Variants in CELF2 observed in about 807,000 individuals in gnomAD.
CELF2 encodes the protein CUGBP Elav-like family member 2, also known as CUG triplet repeat RNA-binding protein 2.
CELF2 carries 8 observed loss-of-function variants against 62.6 expected under a neutral mutation model. That is an observed-to-expected ratio of 0.13 (90% CI 0.07 to 0.23). The LOEUF (loss-of-function observed/expected upper bound fraction) is 0.23, where lower values mean the gene tolerates loss of function less well. Among genes scored for constraint, CELF2 ranks in the 10% least tolerant of loss-of-function variants. The probability of loss-of-function intolerance (pLI) is 1.00; values close to 1 mark genes in which losing one functional copy is unlikely to be tolerated. For synonymous variants in CELF2, 258 were observed against 250.0 expected (o/e 1.03, Z -0.30); for missense variants, 333 against 671.0 (o/e 0.50, Z 5.56).
upstream of CELF2, among the ~76,000 whole-genome samples, chr10:11,004,200 T>C (rs1025054804): frequency 2.6e-5 from 4 of 152,116 alleles, no homozygotes; most frequent in Non-Finnish European, 5.9e-5. This position sits in a 1 kb window ranked among gnomAD's most constrained non-coding sequence, Gnocchi z 5.0. Context: ...AGTAATGCTT[T>C]GAGTCCAGGT....
the CELF2 span, among the ~76,000 whole-genome samples, chr10:10,735,535 A>T: frequency 2.6e-5 from 4 of 152,350 alleles, no homozygotes; most frequent in Non-Finnish European, 5.9e-5. Flanking sequence ...TTAAAACAGG[A>T]CGTCGAGAAA....
the CELF2 span, among the ~76,000 whole-genome samples, chr10:10,671,648 C>T: frequency 6.6e-6 from 1 of 151,838 alleles, no homozygotes; most frequent in Non-Finnish European, 1.5e-5. Flanking sequence ...ACAGGTGTAT[C>T]TCCTTGTTGG....
chr10:10,581,365 G>C, the CELF2 span, among the ~76,000 whole-genome samples: 1 of 152,266 alleles, frequency 6.6e-6, no homozygotes, highest in African/African-American at 2.4e-5. Flanking sequence ...GATCCATTTT[G>C]CTTTCAAGAG....
At chr10:10,783,938 A>C in the CELF2 span, among the ~76,000 whole-genome samples, 1 of 152,192 alleles carries the variant, frequency 6.6e-6, no homozygotes, top group African/African-American at 2.4e-5. Context: ...CAGTGAGCCA[A>C]GATCGTGCCA....
At chr10:10,625,790 C>A in the CELF2 span, among the ~76,000 whole-genome samples, 1 of 152,238 alleles carries the variant, frequency 6.6e-6, no homozygotes, top group Non-Finnish European at 1.5e-5. Flanking sequence ...GTCCCGTGAT[C>A]TGAAGCCCCA....
At chr10:10,698,465 T>A in the CELF2 span, among the ~76,000 whole-genome samples, 1 of 152,244 alleles carries the variant, frequency 6.6e-6, no homozygotes, top group East Asian at 1.9e-4. Flanking sequence ...GTATTTGATA[T>A]ACATATGTAA....
Position 11,120,427 on chromosome 10 carries a change from A to G in CELF2, c.75-45059A>G, listed in dbSNP as rs575987528. Among the ~76,000 whole-genome samples, 7 of 152,266 alleles carry G rather than the reference A, an allele frequency of 4.6e-5. No homozygotes were observed. In the South Asian group the frequency reaches 1.5e-3, roughly 32 times the overall value. ...ACAGGTTTGCATTTCACCTGTTTCT[A>G]TGATTGTTGAATAACAGAAAATGAA... On this transcript the variant is annotated intron_variant, in intron 1 of 12. Transcript: ENST00000633077.
At chr10:11,218,900 C>G (rs1226821741) in intron 3 of CELF2, among the ~76,000 whole-genome samples, 1 of 152,112 alleles carries the variant, frequency 6.6e-6, no homozygotes, top group East Asian at 1.9e-4. Flanking sequence ...GTGGAATGAA[C>G]AAGCCAAGGC....
At chr10:10,774,223 C>T in the CELF2 span, among the ~76,000 whole-genome samples, 2 of 152,194 alleles carry the variant, frequency 1.3e-5, no homozygotes, top group African/African-American at 4.8e-5. Flanking sequence ...GATGGGGCCC[C>T]TGACTTCAAG....
chr10:11,095,029 A>C (rs893211733), intron 1 of CELF2, among the ~76,000 whole-genome samples: 1 of 152,116 alleles, frequency 6.6e-6, no homozygotes, highest in Non-Finnish European at 1.5e-5. Context: ...TTTGCTTTTG[A>C]TCTTGAAGGT....
At chr10:10,536,432 T>C in the CELF2 span, among the ~76,000 whole-genome samples, 1 of 152,364 alleles carries the variant, frequency 6.6e-6, no homozygotes, top group Non-Finnish European at 1.5e-5. Flanking sequence ...GCTTTTGGTC[T>C]ATTTTGAAAT....
chr10:11,324,288 T>G lies in CELF2; in HGVS notation c.1295-1548T>G, dbSNP rs2095611331. Reference sequence around the variant, plus strand: ...CTCTCATTTGTGCATTTGGATCTTTTGTGCAGTAGCAACATGAAAGCTGGT... The same window carrying G: ...CTCTCATTTGTGCATTTGGATCTTTGGTGCAGTAGCAACATGAAAGCTGGT... On this transcript the variant is annotated intron_variant, in intron 11 of 12. Transcript: ENST00000633077. The surrounding 1 kb of genome is among the most constrained non-coding windows in gnomAD (Gnocchi z 4.7). Among the ~76,000 whole-genome samples, 1 of 152,244 alleles carries G rather than the reference T, an allele frequency of 6.6e-6. No homozygotes were observed. Among genetic ancestry groups the G allele is most frequent in the Admixed American group, 6.5e-5 (1 of 15,288 alleles).
chr10:10,469,048 G>A, the CELF2 span, among the ~76,000 whole-genome samples: 2 of 151,762 alleles, frequency 1.3e-5, no homozygotes, highest in Non-Finnish European at 2.9e-5. Context: ...TTCATAATAT[G>A]CATTTTTCAT....
intron 1 of CELF2, chr10:10,919,875 C>T (rs2064722661): frequency 3.6e-6 from 3 of 839,674 alleles, no homozygotes; most frequent in Admixed American, 4.3e-5. Flanking sequence ...ATACCTGATA[C>T]CATAATACTT....
chr10:10,880,832 C>T (rs1017049062), intron 1 of CELF2, among the ~76,000 whole-genome samples: 4 of 152,080 alleles, frequency 2.6e-5, no homozygotes, highest in Admixed American at 6.6e-5. Context: ...GCCTGTTTCC[C>T]GAATTCTTTG....
the CELF2 span, among the ~76,000 whole-genome samples, chr10:10,523,512 T>G: frequency 6.6e-6 from 1 of 152,174 alleles, no homozygotes; most frequent in Non-Finnish European, 1.5e-5. Context: ...GGGGAGGTGG[T>G]GAAACCTTGT....
intron 2 of CELF2, among the ~76,000 whole-genome samples, chr10:11,175,880 C>T (rs1163460859): frequency 6.6e-6 from 1 of 152,106 alleles, no homozygotes; most frequent in African/African-American, 2.4e-5. Flanking sequence ...GATGAGCAAG[C>T]CATGTTCTTT....
the CELF2 span, among the ~76,000 whole-genome samples, chr10:10,633,434 C>G: frequency 6.6e-6 from 1 of 152,108 alleles, no homozygotes; most frequent in Non-Finnish European, 1.5e-5. Context: ...TGCCTGGTAT[C>G]TTTTTGGGTG....
chr10:10,635,928 G>C, the CELF2 span, among the ~76,000 whole-genome samples: 13 of 152,152 alleles, frequency 8.5e-5, no homozygotes, highest in African/African-American at 3.1e-4. Flanking sequence ...TCTAAAGAAT[G>C]CCTGTTACCC....
Sources: gnomAD v4.1 joint callset for allele counts (sites outside exome capture counted in the v4.1 genomes callset) on GRCh38, gnomAD v4.1.1 for gene constraint, Gnocchi (gnomAD v3.1) non-coding constraint, MANE v1.5 for transcripts, NCBI Gene and HGNC (gene_info 2026-07-23, HGNC 2026-07-21) for gene names.